The following PTP4A1 variants were observed in gnomAD, a reference collection of about 807,000 sequenced individuals.
PTP4A1 encodes protein tyrosine phosphatase 4A1.
Under a neutral mutation model 20.5 loss-of-function variants are expected in PTP4A1, and 9 were observed. That is an observed-to-expected ratio of 0.44 (90% CI 0.26 to 0.77). The LOEUF is 0.77. Ranked by LOEUF, PTP4A1 falls within the 30% of genes least tolerant of loss-of-function variation. The pLI, the probability that PTP4A1 is intolerant of heterozygous loss-of-function variation, is 0.19. For synonymous variants in PTP4A1, 78 were observed against 67.4 expected (o/e 1.16, Z -0.77); for missense variants, 137 against 218.8 (o/e 0.63, Z 2.36).
chr6:63,565,919 T>C (rs561974729), intron 3 of PTP4A1, among the ~76,000 whole-genome samples: 154 of 152,378 alleles, frequency 1.0e-3, no homozygotes, highest in Non-Finnish European at 1.7e-3. Context: ...CTGCAAATTA[T>C]ATGTTCATAG....
intron 3 of PTP4A1, among the ~76,000 whole-genome samples, chr6:63,561,253 G>T (rs1273056750): frequency 1.3e-5 from 2 of 152,152 alleles, no homozygotes; most frequent in African/African-American, 4.8e-5. Context: ...GCTTTCTGAG[G>T]CTGCATGTCC....
At chr6:63,574,044 A>C (rs1777687515) in intron 1 of PTP4A1, among the ~76,000 whole-genome samples, 2 of 151,990 alleles carry the variant, frequency 1.3e-5, no homozygotes, top group Admixed American at 6.5e-5. Flanking sequence ...GTATTAAGTT[A>C]TTTACACTAC....
chr6:63,539,723 C>T (rs1319174764), intron 2 of PTP4A1, among the ~76,000 whole-genome samples: 4 of 151,372 alleles, frequency 2.6e-5, no homozygotes, highest in African/African-American at 7.3e-5. Flanking sequence ...GAGCTGAGAT[C>T]GTACCACTGC....
intron 2 of PTP4A1, chr6:63,549,154 T>C: frequency 2.9e-6 from 2 of 685,202 alleles, no homozygotes; most frequent in South Asian, 1.6e-5. Flanking sequence ...GCTTTCTTTT[T>C]GGCCAGGGCC....
intron 3 of PTP4A1, 116 bp downstream of exon 3, chr6:63,578,645 C>G (rs1012273496): frequency 2.7e-5 from 37 of 1,371,260 alleles, no homozygotes; most frequent in Non-Finnish European, 3.5e-5. Context: ...AAGCTAAAAA[C>G]AAATATTATA....
At chr6:63,544,745 G>A (rs527420235) in intron 2 of PTP4A1, among the ~76,000 whole-genome samples, 2 of 152,198 alleles carry the variant, frequency 1.3e-5, no homozygotes, top group South Asian at 4.1e-4. Flanking sequence ...CAGGATACAC[G>A]TTTGGCAGGA....
At chr6:63,572,863 G>C (rs1333397907) in intron 1 of PTP4A1, 144 bp downstream of exon 1, 1 of 393,152 alleles carries the variant, frequency 2.5e-6, no homozygotes, top group South Asian at 1.3e-4. Flanking sequence ...GGGAGCGGGC[G>C]GGTTATGGCC....
At position 63,583,316 on chromosome 6, in the gene PTP4A1, ATGTT is replaced by A. The variant is rs1778367097; in HGVS notation, c.*3146_*3149del. On this transcript the variant is annotated 3_prime_UTR_variant, in exon 6 of 6. Coordinates refer to ENST00000626021, the MANE Select transcript of PTP4A1 (RefSeq NM_003463.5). ...TACATTCTTGCTTCCTTAAATTAAT[ATGTT>A]TGTGTGTATATATGTGCCTCACACC... is the stretch of plus-strand genomic sequence containing the variant. 2 of 152,214 alleles carry A rather than the reference ATGTT, an allele frequency of 1.3e-5. No homozygotes were observed. The highest frequency in any genetic ancestry group is 4.8e-5 in the African/African-American group (2 of 41,454). The allele number at this position is 152,214 out of a possible 1,614,324, so 9.4% of individuals were successfully genotyped here.
chr6:63,517,934 C>T (rs1223664796), upstream of PTP4A1, among the ~76,000 whole-genome samples: 1 of 152,114 alleles, frequency 6.6e-6, no homozygotes, highest in Admixed American at 6.6e-5. Flanking sequence ...AAGTGGATCA[C>T]CTGAGGTCAG....
intron 3 of PTP4A1, among the ~76,000 whole-genome samples, chr6:63,561,762 C>T (rs939259232): frequency 6.6e-6 from 1 of 152,188 alleles, no homozygotes; most frequent in African/African-American, 2.4e-5. Flanking sequence ...ATTATATTCT[C>T]ACATTTGATG....
intron 3 of PTP4A1, 136 bp downstream of exon 3, chr6:63,578,665 A>G (rs1207741304): frequency 1.3e-5 from 17 of 1,314,170 alleles, no homozygotes; most frequent in Non-Finnish European, 1.7e-5. Flanking sequence ...ATTATTGTGC[A>G]GAATCTTAAT....
chr6:63,533,558 G>T (rs2758241), intron 2 of PTP4A1, among the ~76,000 whole-genome samples: 1 of 152,138 alleles, frequency 6.6e-6, no homozygotes, highest in South Asian at 2.1e-4. Context: ...TATAGTATGC[G>T]TTGTTTAATC....
chr6:63,560,334 G>A (rs750733461), intron 3 of PTP4A1, among the ~76,000 whole-genome samples: 109 of 110,456 alleles, frequency 9.9e-4, no homozygotes, highest in African/African-American at 3.6e-3. Context: ...GTAAGACTCC[G>A]TCTCAAAAAA....
rs567326333 is a variant in PTP4A1 at position 63,581,532 on chromosome 6, C to T, written c.*1358C>T. ...TTGCACTTCACTTAATGTGTGTCCT[C>T]ATCTTTTTACAAATAAATGAAGGAT... On this transcript the variant is annotated 3_prime_UTR_variant, in exon 6 of 6. Transcript: ENST00000626021. The T allele has an allele frequency of 2.2e-4, 33 of 152,392 alleles. No individual in the cohort carries two copies. Among genetic ancestry groups the T allele is most frequent in the African/African-American group, 7.5e-4 (31 of 41,540 alleles). The allele number at this position is 152,392 out of a possible 1,614,324, so 9.4% of individuals were successfully genotyped here. A position where few individuals can be genotyped will look rare whatever the true frequency, so the allele number is the denominator to read the frequency against.
chr6:63,550,486 A>G (rs946054720), exon 3 of PTP4A1: 2 of 152,246 alleles, frequency 1.3e-5, no homozygotes, highest in Non-Finnish European at 2.9e-5. Context: ...ACCCTGCTAC[A>G]GAGAGGGGTG....
intron 4 of PTP4A1, 55 bp downstream of exon 4, chr6:63,579,083 C>T (rs1417244599): frequency 6.7e-7 from 1 of 1,486,578 alleles, no homozygotes; most frequent in Non-Finnish European, 8.9e-7. Context: ...AATGAAAATA[C>T]AGAAACTTGA....
At chr6:63,571,894 C>T (rs1777445488), upstream of PTP4A1, 1 of 152,210 alleles carries the variant, frequency 6.6e-6, no homozygotes, top group East Asian at 1.9e-4. Context: ...TTCATCTTGA[C>T]CAAGCCTAAG....
chr6:63,553,281 C>A (rs1377116954), intron 3 of PTP4A1, among the ~76,000 whole-genome samples: 1 of 152,136 alleles, frequency 6.6e-6, no homozygotes, highest in East Asian at 1.9e-4. Context: ...ATTTTGTACC[C>A]AAAACCATGC....
intron 3 of PTP4A1, 59 bp downstream of exon 3, chr6:63,578,588 T>C (rs1394594968): frequency 1.9e-6 from 3 of 1,556,010 alleles, no homozygotes; most frequent in African/African-American, 1.4e-5. Context: ...TTTATTCAAA[T>C]AGTAAATTCA....
Sources: gnomAD v4.1 joint callset for allele counts (sites outside exome capture counted in the v4.1 genomes callset) on GRCh38, gnomAD v4.1.1 for gene constraint, MANE v1.5 for transcripts, NCBI Gene and HGNC (gene_info 2026-07-23, HGNC 2026-07-21) for gene names.